Variants in TCERG1L observed in about 807,000 individuals in gnomAD.
TCERG1L encodes transcription elongation regulator 1-like protein.
In TCERG1L, 37 loss-of-function variants were observed where a neutral mutation model predicts 56.3. That is an observed-to-expected ratio of 0.66 (90% CI 0.51 to 0.87). TCERG1L has a LOEUF of 0.87. TCERG1L is among the 40% of genes least tolerant of loss of function. The pLI is 0.00. For synonymous variants in TCERG1L, 324 were observed against 326.3 expected, an observed-to-expected ratio of 0.99 and a Z score of 0.08; for missense variants, 799 against 774.2, an observed-to-expected ratio of 1.03 and a Z score of -0.38.
chr10:131,145,238 C>T (rs1317227133), intron 7 of TCERG1L, among the ~76,000 whole-genome samples: 1 of 152,204 alleles, frequency 6.6e-6, no homozygotes, highest in Non-Finnish European at 1.5e-5. Context: ...GCACCATCTT[C>T]TTGTCCATGA....
intron 3 of TCERG1L, among the ~76,000 whole-genome samples, chr10:131,296,625 A>G (rs905975635): frequency 6.6e-6 from 1 of 152,096 alleles, no homozygotes; most frequent in Non-Finnish European, 1.5e-5. Flanking sequence ...GCCTGTCCAT[A>G]TTAATTATTG....
At chr10:131,248,620 A>T (rs1396700970) in intron 4 of TCERG1L, among the ~76,000 whole-genome samples, 1 of 152,080 alleles carries the variant, frequency 6.6e-6, no homozygotes, top group African/African-American at 2.4e-5. Flanking sequence ...GGGCCATCTT[A>T]GCCTAGTTCG....
Position 131,267,176 on chromosome 10 carries a change from G to A in TCERG1L, c.671-6732C>T, listed in dbSNP as rs959848055. Among the ~76,000 whole-genome samples, 1 of 152,098 alleles carries A rather than the reference G, an allele frequency of 6.6e-6. No homozygotes were observed. Among genetic ancestry groups the A allele is most frequent in the African/African-American group, 2.4e-5 (1 of 41,430 alleles). Reference sequence around the variant, plus strand: ...CCAGTGCTGAGTTGCCACCAGCCCCGTCTCAGCCTCCCACCTGCGCTCATT... The same window carrying A: ...CCAGTGCTGAGTTGCCACCAGCCCCATCTCAGCCTCCCACCTGCGCTCATT... On this transcript the variant is annotated intron_variant, in intron 3 of 11. Transcript: ENST00000368642. The surrounding 1 kb of genome is among the most constrained non-coding windows in gnomAD (Gnocchi z 4.9).
chr10:131,093,120 G>A lies in TCERG1L; in HGVS notation c.*42C>T, dbSNP rs780381519. On this transcript the variant is annotated 3_prime_UTR_variant, in exon 12 of 12. Coordinates refer to ENST00000368642, the MANE Select transcript of TCERG1L (RefSeq NM_174937.4). ...ACCGTGACCCCCTCGCCCCCGGCAC[G>A]CCCAGGGTCAACCCCCGGGCTTATT... is the stretch of plus-strand genomic sequence containing the variant. 1.9e-5 allele frequency: 30 copies of A among 1,592,716 alleles called. No homozygotes were observed. The highest frequency in any genetic ancestry group is 6.8e-5 in the East Asian group (3 of 44,306).
chr10:131,190,150 A>G (rs1055615971), intron 4 of TCERG1L, among the ~76,000 whole-genome samples: 6 of 152,316 alleles, frequency 3.9e-5, no homozygotes, highest in Middle Eastern at 3.4e-3. Flanking sequence ...AAACATCTCT[A>G]TATGCGCCAA....
chr10:131,248,940 C>T (rs771474473), intron 4 of TCERG1L, among the ~76,000 whole-genome samples: 1 of 152,206 alleles, frequency 6.6e-6, no homozygotes, highest in Non-Finnish European at 1.5e-5. Flanking sequence ...GTGCCCTAGG[C>T]CGCCCTCGGC....
At chr10:131,226,269 G>C (rs944236985) in intron 4 of TCERG1L, among the ~76,000 whole-genome samples, 33 of 152,044 alleles carry the variant, frequency 2.2e-4, no homozygotes, top group Non-Finnish European at 4.0e-4. Context: ...TAGAGACGAA[G>C]TGTCACTAGG....
In TCERG1L at chr10:131,093,025, G is replaced by C. The variant is rs180987780; in HGVS notation, c.*137C>G. 5,032 of 774,376 alleles carry C rather than the reference G, an allele frequency of 6.5e-3. 19 individuals are homozygous for C. The highest frequency in any genetic ancestry group is 0.023 in the Middle Eastern group (61 of 2,600). 48.0% of individuals were successfully genotyped at this position (774,376 alleles called of 1,614,324 possible). A position where few individuals can be genotyped will look rare whatever the true frequency, so the allele number is the denominator to read the frequency against. ...TATGAAACAGTAATCCTCTGAGAACGAAGACCCCGCAGTGCCGGTGCCCGC... is the reference window on the plus strand; with the variant it reads ...TATGAAACAGTAATCCTCTGAGAACCAAGACCCCGCAGTGCCGGTGCCCGC... On this transcript the variant is annotated 3_prime_UTR_variant, in exon 12 of 12. Transcript: ENST00000368642.
chr10:131,146,613 G>A lies in TCERG1L; in HGVS notation c.1082C>T (p.Thr361Met), dbSNP rs1315184365. ...CTTCTCCCAGACAGACAGGTGCATC[G>A]TTGGGTTGAAGAAGAAAACTCGGTC... ...GDDRVFFFNP[T>M]MHLSVWEKPM... Residue 361 changes from threonine (T) to methionine (M), a missense_variant, in exon 7 of 12, where the codon ACG becomes ATG. Coordinates refer to ENST00000368642, the MANE Select transcript of TCERG1L (RefSeq NM_174937.4). 9.3e-6 allele frequency: 15 copies of A among 1,613,658 alleles called. No homozygotes were observed. The highest frequency in any genetic ancestry group is 1.7e-5 in the Admixed American group (1 of 59,990).
At chr10:131,107,832 A>G (rs954975472) in intron 9 of TCERG1L, among the ~76,000 whole-genome samples, 1 of 152,100 alleles carries the variant, frequency 6.6e-6, no homozygotes, top group Non-Finnish European at 1.5e-5. Flanking sequence ...ACATGAACAC[A>G]CCCAGGACAC....
At chr10:131,113,276 C>G (rs1425593178) in intron 9 of TCERG1L, among the ~76,000 whole-genome samples, 1 of 142,290 alleles carries the variant, frequency 7.0e-6, no homozygotes, top group African/African-American at 2.5e-5. Context: ...CGGGCAGTGC[C>G]AACTCCCCAA....
At chr10:131,272,584 T>TG (rs1287596202) in intron 3 of TCERG1L, among the ~76,000 whole-genome samples, 3 of 152,188 alleles carry the variant, frequency 2.0e-5, no homozygotes, top group Non-Finnish European at 2.9e-5. Flanking sequence ...GCCCTGTGCC[T>TG]GGGGACCCCA....
rs149515115 is a variant in TCERG1L at position 131,269,515 on chromosome 10, G to A, written c.671-9071C>T. ...ATTGATCTAATTTCAATATTGCTAT[G>A]TCTCAGGGAAGAGGGAGGCCCAAGG... On this transcript the variant is annotated intron_variant, in intron 3 of 11. Coordinates refer to ENST00000368642, the MANE Select transcript of TCERG1L (RefSeq NM_174937.4). 2.0e-5 allele frequency among the ~76,000 whole-genome samples: 3 copies of A among 152,320 alleles called. No homozygotes were observed. In the East Asian group the frequency reaches 5.8e-4, roughly 29 times the overall value.
At chr10:131,173,096 G>A (rs1846110352) in intron 4 of TCERG1L, among the ~76,000 whole-genome samples, 1 of 151,920 alleles carries the variant, frequency 6.6e-6, no homozygotes, top group Admixed American at 6.6e-5. Flanking sequence ...TCACCATGTT[G>A]GCAAGGCTGG....
Position 131,093,089 on chromosome 10 carries a change from G to T in TCERG1L, c.*73C>A. 2 of 1,531,608 alleles carry T rather than the reference G, an allele frequency of 1.3e-6. No homozygotes were observed. The highest frequency in any genetic ancestry group is 1.9e-5 in the Admixed American group (1 of 51,982). 94.9% of individuals were successfully genotyped at this position (1,531,608 alleles called of 1,614,324 possible). On this transcript the variant is annotated 3_prime_UTR_variant, in exon 12 of 12. Coordinates refer to ENST00000368642, the MANE Select transcript of TCERG1L (RefSeq NM_174937.4). ...TCTCGGCCGCCCCACGCCCGTGTCC[G>T]TCTCCACCGTGACCCCCTCGCCCCC...
At chr10:131,196,221 G>T (rs532321217) in intron 4 of TCERG1L, among the ~76,000 whole-genome samples, 1 of 152,348 alleles carries the variant, frequency 6.6e-6, no homozygotes, top group African/African-American at 2.4e-5. Flanking sequence ...GCCACTGGAG[G>T]TGAGATTTAC....
Position 131,311,240 on chromosome 10 carries a change from C to A in TCERG1L, c.342+54G>T. 5.9e-6 allele frequency: 7 copies of A among 1,184,986 alleles called. No homozygotes were observed. Among genetic ancestry groups the A allele is most frequent in the Non-Finnish European group, 7.3e-6 (7 of 954,962 alleles). The allele number at this position is 1,184,986 out of a possible 1,614,324, so 73.4% of individuals were successfully genotyped here. On this transcript the variant is annotated intron_variant, in intron 1 of 11. Coordinates refer to ENST00000368642, the MANE Select transcript of TCERG1L (RefSeq NM_174937.4). This position sits in a 1 kb window ranked among gnomAD's most constrained non-coding sequence, Gnocchi z 4.0. ...CCAGAGCCGGGCCGGGCAGGGCGCGCCCAGGAGCAGGGGAGACGGCGACCC... is the reference window on the plus strand; with the variant it reads ...CCAGAGCCGGGCCGGGCAGGGCGCGACCAGGAGCAGGGGAGACGGCGACCC...
intron 3 of TCERG1L, among the ~76,000 whole-genome samples, chr10:131,293,758 T>A (rs923613631): frequency 6.6e-6 from 1 of 152,232 alleles, no homozygotes; most frequent in Non-Finnish European, 1.5e-5. Context: ...TAAGCCACAT[T>A]TCATGTTTCT....
chr10:131,117,309 G>A (rs1845469670), intron 8 of TCERG1L, among the ~76,000 whole-genome samples: 1 of 152,240 alleles, frequency 6.6e-6, no homozygotes, highest in South Asian at 2.1e-4. Context: ...AGGTGCTGCT[G>A]CAGAGATGGG....
Sources: allele counts gnomAD v4.1 joint callset (sites outside exome capture counted in the v4.1 genomes callset), GRCh38; gene constraint gnomAD v4.1.1; non-coding constraint Gnocchi (gnomAD v3.1); transcripts MANE v1.5; gene names NCBI Gene and HGNC (gene_info 2026-07-23, HGNC 2026-07-21).